The following HS6ST2 variants were observed in gnomAD, a reference collection of about 807,000 sequenced individuals.
HS6ST2 encodes the protein heparan-sulfate 6-O-sulfotransferase 2.
HS6ST2 carries 17 observed loss-of-function variants against 33.0 expected under a neutral mutation model. The observed-to-expected ratio is 0.52, with a 90% CI of 0.35 to 0.77. The LOEUF (loss-of-function observed/expected upper bound fraction) is 0.77. Among genes scored for constraint, HS6ST2 ranks in the 30% least tolerant of loss-of-function variants. The pLI, the probability that HS6ST2 is intolerant of heterozygous loss-of-function variation, is 0.01. For missense variants in HS6ST2, 519 were observed against 551.7 expected (o/e 0.94, Z 0.59); for synonymous variants, 248 against 237.1 (o/e 1.05, Z -0.42).
chrX:132,920,729 T>C (rs969699341), intron 2 of HS6ST2, among the ~76,000 whole-genome samples: 30 of 112,855 alleles, frequency 2.7e-4, no homozygotes, highest in African/African-American at 9.3e-4. Context: ...TTTGGCATGT[T>C]GGATGCCTGC....
At chrX:132,916,136 G>C (rs897167487) in intron 2 of HS6ST2, among the ~76,000 whole-genome samples, 1 of 111,611 alleles carries the variant, frequency 9.0e-6, no homozygotes, top group African/African-American at 3.3e-5. Context: ...GTAGACAAAA[G>C]GTACTGTAAC....
chrX:132,736,784 G>A (rs2064514694), intron 2 of HS6ST2, among the ~76,000 whole-genome samples: 1 of 111,930 alleles, frequency 8.9e-6, no homozygotes, highest in Admixed American at 9.5e-5. Flanking sequence ...ATGGAAGGGT[G>A]GTATCAGGTG....
intron 2 of HS6ST2, among the ~76,000 whole-genome samples, chrX:132,788,092 A>C (rs1362574702): frequency 9.0e-6 from 1 of 111,264 alleles, no homozygotes; most frequent in Admixed American, 9.6e-5. Context: ...TGCAACCAAA[A>C]GCATATTCAG....
At chrX:132,668,977 T>C in intron 4 of HS6ST2, 136 bp downstream of exon 4, 1 of 444,129 alleles carries the variant, frequency 2.3e-6, no homozygotes. Context: ...AATTCCCCAG[T>C]GACGAGCCCA....
At chrX:132,951,314 C>A (rs1049399256) in intron 2 of HS6ST2, among the ~76,000 whole-genome samples, 1 of 111,242 alleles carries the variant, frequency 9.0e-6, no homozygotes, top group Non-Finnish European at 1.9e-5. Context: ...CTTCCCTAAC[C>A]ATTATTACTC....
chrX:132,825,802 A>C (rs1186739318), intron 2 of HS6ST2, among the ~76,000 whole-genome samples: 4 of 111,728 alleles, frequency 3.6e-5, no homozygotes, highest in Non-Finnish European at 7.5e-5. Context: ...ATACAGCCAA[A>C]AGGAATCCCA....
At chrX:132,930,671 C>T (rs2066759380) in intron 2 of HS6ST2, among the ~76,000 whole-genome samples, 1 of 111,333 alleles carries the variant, frequency 9.0e-6, no homozygotes, top group African/African-American at 3.3e-5. Flanking sequence ...TCAATACAAC[C>T]CTCCCCCACC....
intron 4 of HS6ST2, among the ~76,000 whole-genome samples, chrX:132,659,034 T>C (rs1383733858): frequency 1.8e-5 from 2 of 112,064 alleles, no homozygotes; most frequent in African/African-American, 6.5e-5. Flanking sequence ...TGTGATTTCA[T>C]ATAAATGTAT....
chrX:132,714,389 T>C (rs972149814), intron 2 of HS6ST2, among the ~76,000 whole-genome samples: 5 of 111,128 alleles, frequency 4.5e-5, no homozygotes, highest in African/African-American at 1.6e-4. Flanking sequence ...CTCAGCTCAC[T>C]GCAACCTCTG....
intron 2 of HS6ST2, among the ~76,000 whole-genome samples, chrX:132,731,717 G>A (rs900581510): frequency 1.8e-5 from 2 of 111,344 alleles, no homozygotes; most frequent in Non-Finnish European, 3.8e-5. Flanking sequence ...TGTGGTGGCG[G>A]GCACCTGTAG....
intron 2 of HS6ST2, among the ~76,000 whole-genome samples, chrX:132,823,701 C>CA (rs34640492): frequency 4.7e-3 from 289 of 61,272 alleles, no homozygotes; most frequent in South Asian, 0.018. Flanking sequence ...ACTAAAAATA[C>CA]AAAAAAAAAA....
intron 2 of HS6ST2, among the ~76,000 whole-genome samples, chrX:132,946,205 A>T (rs923442824): frequency 3.2e-4 from 36 of 111,848 alleles, no homozygotes; most frequent in Non-Finnish European, 5.5e-4. Flanking sequence ...ATTGTGGAAG[A>T]CAGTGTGGTG....
chrX:132,637,830 ATATATAATATTT>A (rs2063563323), intron 4 of HS6ST2, among the ~76,000 whole-genome samples: 1 of 44,826 alleles, frequency 2.2e-5, no homozygotes, highest in African/African-American at 4.1e-4. Context: ...ATATAATATT[ATATATAATATTT>A]TATATATAAT....
rs2063488264 is a variant in HS6ST2 at position 132,627,598 on chromosome X, A to G, written c.*625T>C. ...GTTTAAAATTTTAAACATCTCTTAA[A>G]TATCAAGATATGAGTCCTGTTCTTG... On this transcript the variant is annotated 3_prime_UTR_variant, in exon 5 of 5. Transcript: ENST00000370833. The G allele has an allele frequency of 8.9e-6, 1 of 112,607 alleles. No individual in the cohort carries two copies. The highest frequency in any genetic ancestry group is 1.9e-5 in the Non-Finnish European group (1 of 53,274). 9.3% of individuals were successfully genotyped at this position (112,607 alleles called of 1,213,427 possible).
chrX:132,759,347 T>C (rs1438957989), intron 2 of HS6ST2, among the ~76,000 whole-genome samples: 1 of 112,028 alleles, frequency 8.9e-6, no homozygotes, highest in African/African-American at 3.2e-5. Flanking sequence ...CTTCACTCTC[T>C]GATAAGGCAG....
chrX:132,923,438 C>T (rs2066676372), intron 2 of HS6ST2, among the ~76,000 whole-genome samples: 2 of 111,472 alleles, frequency 1.8e-5, no homozygotes, highest in African/African-American at 6.5e-5. Context: ...ACAAGAGCAA[C>T]ACTTTCTTCT....
intron 2 of HS6ST2, among the ~76,000 whole-genome samples, chrX:132,743,320 T>C (rs1361867329): frequency 9.0e-6 from 1 of 111,544 alleles, no homozygotes; most frequent in Non-Finnish European, 1.9e-5. Flanking sequence ...CAGGAATGAG[T>C]GGGGCAGGGT....
At chrX:132,779,527 G>A (rs905565097) in intron 2 of HS6ST2, among the ~76,000 whole-genome samples, 3 of 110,460 alleles carry the variant, frequency 2.7e-5, no homozygotes, top group African/African-American at 9.9e-5. Context: ...ATTAAGACAT[G>A]AGCTGCAAAA....
intron 2 of HS6ST2, among the ~76,000 whole-genome samples, chrX:132,882,620 C>T (rs900665088): frequency 9.3e-5 from 10 of 107,228 alleles, no homozygotes; most frequent in Non-Finnish European, 1.7e-4. Flanking sequence ...CCTTTATTTC[C>T]TTCTCCTGCC....
Sources: gnomAD v4.1 joint callset for allele counts (sites outside exome capture counted in the v4.1 genomes callset) on GRCh38, gnomAD v4.1.1 for gene constraint, MANE v1.5 for transcripts, NCBI Gene and HGNC (gene_info 2026-07-23, HGNC 2026-07-21) for gene names.